SNX29: variants seen among roughly 807,000 people sequenced by gnomAD.
SNX29 encodes the protein sorting nexin 29.
In SNX29, 78 loss-of-function variants were observed where a neutral mutation model predicts 102.1. That is an observed-to-expected ratio of 0.76 (90% confidence interval 0.64 to 0.92). SNX29 has a LOEUF of 0.92. SNX29 is among the 40% of genes least tolerant of loss of function. The pLI is 0.00. For synonymous variants in SNX29, 580 were observed against 414.5 expected, an observed-to-expected ratio of 1.40 and a Z score of -4.85; for missense variants, 1,280 against 1,061.7, an observed-to-expected ratio of 1.21 and a Z score of -2.86.
intron 15 of SNX29, among the ~76,000 whole-genome samples, chr16:12,295,927 G>T (rs1331073671): frequency 1.3e-5 from 2 of 152,118 alleles, no homozygotes; most frequent in Admixed American, 1.3e-4. Context: ...TGAGATTAAC[G>T]TTTCCAAAAA....
At chr16:12,483,556 C>T (rs1022737778) in intron 19 of SNX29, among the ~76,000 whole-genome samples, 2 of 152,068 alleles carry the variant, frequency 1.3e-5, no homozygotes, top group Non-Finnish European at 2.9e-5. Context: ...AGCTCGTGAT[C>T]CACCCACCTC....
In SNX29 at chr16:12,571,517, G is replaced by A. The variant is rs1297312702; in HGVS notation, c.*2888G>A. The A allele has an allele frequency of 7.1e-6, 5 of 701,918 alleles. No homozygotes were observed. Among genetic ancestry groups the A allele is most frequent in the East Asian group, 5.4e-5 (1 of 18,362 alleles). 43.5% of individuals were successfully genotyped at this position (701,918 alleles called of 1,614,324 possible). A position where few individuals can be genotyped will look rare whatever the true frequency, so the allele number is the denominator to read the frequency against. ...GGGTGGCCCACCTCTCAAGGGCCTTGGATTCCTGGGACCACCCTTTGCTGG... is the reference window on the plus strand; with the variant it reads ...GGGTGGCCCACCTCTCAAGGGCCTTAGATTCCTGGGACCACCCTTTGCTGG... On this transcript the variant is annotated 3_prime_UTR_variant, in exon 21 of 21. Transcript: ENST00000566228.
chr16:12,191,814 T>A (rs1385214235), intron 13 of SNX29, among the ~76,000 whole-genome samples: 1 of 152,208 alleles, frequency 6.6e-6, no homozygotes, highest in African/African-American at 2.4e-5. Context: ...ATGCCTCCCT[T>A]CTTGCCTTTT....
At chr16:12,564,448 G>T (rs1470903266) in intron 20 of SNX29, among the ~76,000 whole-genome samples, 6 of 152,168 alleles carry the variant, frequency 3.9e-5, no homozygotes, top group Non-Finnish European at 8.8e-5. Context: ...AGATCAGAAA[G>T]CTGTGTTTTG....
Position 11,994,688 on chromosome 16 carries a change from G to A in SNX29, c.8-4609G>A, listed in dbSNP as rs1381658114. Among the ~76,000 whole-genome samples the A allele has an allele frequency of 1.1e-4, 16 of 152,310 alleles. No homozygotes were observed. The East Asian group carries it at 2.7e-3, about 26-fold the overall frequency. On this transcript the variant is annotated intron_variant, in intron 1 of 20. Transcript: ENST00000566228. ...AGCCTGTGGTTGGGATTCGGTAGGT[G>A]GGCACATTGTTCCTACTTCTCTCTG...
chr16:12,221,042 G>A (rs914876545), intron 14 of SNX29, among the ~76,000 whole-genome samples: 7 of 152,048 alleles, frequency 4.6e-5, no homozygotes, highest in African/African-American at 1.7e-4. Flanking sequence ...TGGCAGGGGA[G>A]CAAATTAATT....
intron 16 of SNX29, chr16:12,374,640 G>A (rs989245176): frequency 1.3e-5 from 2 of 152,246 alleles, no homozygotes; most frequent in Non-Finnish European, 2.9e-5. Flanking sequence ...GACAAAGTGA[G>A]TGTGGGCCTC....
chr16:12,532,011 G>A (rs1437331843), intron 20 of SNX29, among the ~76,000 whole-genome samples: 1 of 152,188 alleles, frequency 6.6e-6, no homozygotes, highest in Non-Finnish European at 1.5e-5. Flanking sequence ...CGACAGAGGA[G>A]AGGCAGGAGC....
chr16:12,544,498 C>G (rs142876763), intron 20 of SNX29, among the ~76,000 whole-genome samples: 14 of 152,264 alleles, frequency 9.2e-5, no homozygotes, highest in African/African-American at 2.9e-4. Flanking sequence ...CGGCTGGGGT[C>G]TAGATGGCAT....
At chr16:12,163,932 T>C (rs535401089) in intron 13 of SNX29, among the ~76,000 whole-genome samples, 1 of 152,194 alleles carries the variant, frequency 6.6e-6, no homozygotes, top group South Asian at 2.1e-4. Flanking sequence ...AGAACTGAGA[T>C]GTTAACAAGT....
intron 15 of SNX29, among the ~76,000 whole-genome samples, chr16:12,318,968 C>T (rs1459901573): frequency 6.6e-6 from 1 of 152,096 alleles, no homozygotes; most frequent in African/African-American, 2.4e-5. Flanking sequence ...TATCTTGTCT[C>T]CTGCTAAATC....
At chr16:12,070,417 A>G (rs2051242724) in intron 10 of SNX29, among the ~76,000 whole-genome samples, 1 of 146,534 alleles carries the variant, frequency 6.8e-6, no homozygotes, top group Non-Finnish European at 1.5e-5. Flanking sequence ...TATGAGTGAG[A>G]ACATGTGGTG....
intron 18 of SNX29, among the ~76,000 whole-genome samples, chr16:12,459,625 T>C (rs1400431029): frequency 1.3e-5 from 2 of 151,642 alleles, no homozygotes; most frequent in African/African-American, 4.8e-5. Flanking sequence ...GTGGAGGGAG[T>C]GTCATATCTA....
chr16:12,074,099 C>T lies in SNX29; in HGVS notation c.1320-4734C>T, dbSNP rs1162656756. Among the ~76,000 whole-genome samples the T allele has an allele frequency of 4.0e-5, 6 of 151,882 alleles. No individual in the cohort carries two copies. In the East Asian group the frequency reaches 1.2e-3, roughly 29 times the overall value. On this transcript the variant is annotated intron_variant, in intron 10 of 20. Transcript: ENST00000566228. Reference sequence around the variant, plus strand: ...AGATGGGTTTCCTGAATACAGCACACTGATGGGTCTTGACTCTTTATCCAA... The same window carrying T: ...AGATGGGTTTCCTGAATACAGCACATTGATGGGTCTTGACTCTTTATCCAA...
chr16:12,128,917 C>G (rs1412475835), intron 12 of SNX29, among the ~76,000 whole-genome samples: 1 of 152,182 alleles, frequency 6.6e-6, no homozygotes, highest in Non-Finnish European at 1.5e-5. Flanking sequence ...GTGATGGTTT[C>G]TAGAAGACCT....
chr16:12,320,996 G>A (rs1316187481), intron 15 of SNX29, among the ~76,000 whole-genome samples: 1 of 152,160 alleles, frequency 6.6e-6, no homozygotes, highest in Non-Finnish European at 1.5e-5. Context: ...TCAGGACTGA[G>A]GCGATAAGGC....
chr16:12,572,604 C>T lies in SNX29; in HGVS notation c.*3975C>T, dbSNP rs3803608. Reference sequence around the variant, plus strand: ...TCTCTGGGCTCCCAGTGAGCCCCCTCCCCTCCGGCTACCCCCAGAATCCAT... The same window carrying T: ...TCTCTGGGCTCCCAGTGAGCCCCCTTCCCTCCGGCTACCCCCAGAATCCAT... On this transcript the variant is annotated 3_prime_UTR_variant, in exon 21 of 21. Coordinates refer to ENST00000566228, the MANE Select transcript of SNX29 (RefSeq NM_032167.5). 3 of 1,064,000 alleles carry T rather than the reference C, an allele frequency of 2.8e-6. No individual in the cohort carries two copies. Among genetic ancestry groups the T allele is most frequent in the East Asian group, 5.0e-5 (1 of 19,978 alleles). The allele number at this position is 1,064,000 out of a possible 1,614,324, so 65.9% of individuals were successfully genotyped here.
At chr16:12,075,096 G>A (rs1264380155) in intron 10 of SNX29, among the ~76,000 whole-genome samples, 2 of 152,076 alleles carry the variant, frequency 1.3e-5, no homozygotes, top group Non-Finnish European at 2.9e-5. Context: ...CAACTTCTTT[G>A]CCTTTGGTTT....
chr16:12,031,932 A>G (rs1470187212), intron 4 of SNX29, among the ~76,000 whole-genome samples: 2 of 152,224 alleles, frequency 1.3e-5, no homozygotes, highest in African/African-American at 2.4e-5. Context: ...CATGTCATAC[A>G]GTAATCATTA....
Sources: gnomAD v4.1 joint callset for allele counts (sites outside exome capture counted in the v4.1 genomes callset) on GRCh38, gnomAD v4.1.1 for gene constraint, MANE v1.5 for transcripts, NCBI Gene and HGNC (gene_info 2026-07-23, HGNC 2026-07-21) for gene names.